The following TLN1 variants were observed in gnomAD, a reference collection of about 807,000 sequenced individuals.
TLN1 encodes the protein talin 1.
TLN1 carries 56 observed loss-of-function variants against 292.3 expected under a neutral mutation model. The observed-to-expected ratio is 0.19, with a 90% CI of 0.15 to 0.24. TLN1 has a LOEUF of 0.24. Among genes scored for constraint, TLN1 ranks in the 10% least tolerant of loss-of-function variants. The pLI is 1.00. For missense variants in TLN1, 2,433 were observed against 3,248.2 expected (o/e 0.75, Z 6.10); for synonymous variants, 1,119 against 1,253.7 (o/e 0.89, Z 2.27).
In TLN1 at chr9:35,699,850, G is replaced by C; in HGVS notation, c.6768+124C>G. The stretch of plus-strand genomic sequence containing the variant: ...GAGACTTGGAAAGGAGAACAGATTT[G>C]GGAAGTAGAGGGTGGGGTAGGGAGG... On this transcript the variant is annotated intron_variant, in intron 50 of 56. Coordinates refer to ENST00000314888, the MANE Select transcript of TLN1 (RefSeq NM_006289.4). The surrounding 1 kb of genome is among the most constrained non-coding windows in gnomAD (Gnocchi z 4.0). 3 of 1,127,104 alleles carry C rather than the reference G, an allele frequency of 2.7e-6. No homozygotes were observed. The highest frequency in any genetic ancestry group is 3.7e-6 in the Non-Finnish European group (3 of 812,232). 69.8% of individuals were successfully genotyped at this position (1,127,104 alleles called of 1,614,324 possible). A position where few individuals can be genotyped will look rare whatever the true frequency, so the allele number is the denominator to read the frequency against.
At position 35,719,156 on chromosome 9, in the gene TLN1, C is replaced by A. The variant is rs776650695; in HGVS notation, c.1814G>T (p.Gly605Val). ...AALLEDEGGS[G>V]RPLLQAAKGL... is the part of the protein sequence containing the mutation. ...CTTTGCTGCCTGCAACAGGGGCCGA[C>A]CACTGCCGCCTTCGTCCTCCAGCAA... Residue 605 changes from glycine (G) to valine (V), a missense_variant, in exon 16 of 57, where the codon GGT (glycine) becomes GTT (valine). Physicochemically the swap from Gly to Val is moderately radical, Grantham distance 109 (BLOSUM62 -3). Transcript: ENST00000314888. The surrounding 1 kb of genome is among the most constrained non-coding windows in gnomAD (Gnocchi z 4.6). 3.7e-6 allele frequency: 6 copies of A among 1,614,226 alleles called. No homozygotes were observed. The highest frequency in any genetic ancestry group is 5.1e-6 in the Non-Finnish European group (6 of 1,180,040).
intron 7 of TLN1, chr9:35,723,146 G>A: frequency 2.5e-6 from 1 of 397,336 alleles, no homozygotes; most frequent in Non-Finnish European, 4.7e-6. Flanking sequence ...TTGTTGCCCA[G>A]GCTGGAGTGC....
rs1297790190 is a variant in TLN1, at chr9:35,724,812, T to C, written c.358+18A>G. 1.2e-6 allele frequency: 2 copies of C among 1,614,052 alleles called. No individual in the cohort carries two copies. Among genetic ancestry groups the C allele is most frequent in the South Asian group, 1.1e-5 (1 of 91,074 alleles). ...AGGCTTTCTGGCCCAGGCTTTCAAC[T>C]GTACTAGGGCCCCTTACCAATGCGG... On this transcript the variant is annotated intron_variant, in intron 4 of 56. Coordinates refer to ENST00000314888, the MANE Select transcript of TLN1 (RefSeq NM_006289.4). The surrounding 1 kb of genome is among the most constrained non-coding windows in gnomAD (Gnocchi z 4.7).
intron 43 of TLN1, among the ~76,000 whole-genome samples, chr9:35,705,026 C>T (rs1825540608): frequency 2.6e-5 from 4 of 152,154 alleles, no homozygotes; most frequent in Admixed American, 6.5e-5. Flanking sequence ...AGCACGCAGG[C>T]ACTAAGTGGT....
chr9:35,718,575 G>A (rs1825826910), intron 17 of TLN1, among the ~76,000 whole-genome samples: 1 of 152,142 alleles, frequency 6.6e-6, no homozygotes, highest in South Asian at 2.1e-4. Flanking sequence ...AAGATGACAA[G>A]GGGCTAAAGA....
At chr9:35,722,759 A>T in intron 8 of TLN1, 102 bp downstream of exon 8, 1 of 1,237,098 alleles carries the variant, frequency 8.1e-7, no homozygotes, top group Non-Finnish European at 1.2e-6. Context: ...GGTGAAAGCC[A>T]AGTTAGGGGA....
chr9:35,724,558 C>T lies in TLN1; in HGVS notation c.511+14G>A, dbSNP rs775767046. The T allele has an allele frequency of 3.1e-6, 5 of 1,602,130 alleles. No individual in the cohort carries two copies. In the African/African-American group the frequency reaches 5.4e-5, roughly 17 times the overall value. ...TCCCATTTCAAAAGCCCTCTTTTTT[C>T]TAGTTCTGCTTACACTCATCATCTG... On this transcript the variant is annotated intron_variant, in intron 5 of 56. Coordinates refer to ENST00000314888, the MANE Select transcript of TLN1 (RefSeq NM_006289.4). This position sits in a 1 kb window ranked among gnomAD's most constrained non-coding sequence, Gnocchi z 4.7.
Position 35,720,235 on chromosome 9 carries a change from C to A in TLN1, c.1284-16G>T. On this transcript the variant is annotated splice_polypyrimidine_tract_variant and intron_variant, in intron 12 of 56. Coordinates refer to ENST00000314888, the MANE Select transcript of TLN1 (RefSeq NM_006289.4). ...GACTGTTGACCTGTAGAGGGGTGAA[C>A]TATTGAGCTCACAGAGGACTCCTCA... The A allele has an allele frequency of 1.3e-6, 2 of 1,563,246 alleles. No individual in the cohort carries two copies. Among genetic ancestry groups the A allele is most frequent in the Non-Finnish European group, 8.7e-7 (1 of 1,155,388 alleles).
intron 41 of TLN1, 52 bp from the exon 42 acceptor site, chr9:35,705,903 T>C (rs1400040321): frequency 2.2e-5 from 36 of 1,614,012 alleles, no homozygotes; most frequent in Non-Finnish European, 2.9e-5. Flanking sequence ...TCTGCCACTG[T>C]GCTTGGAGGC....
chr9:35,704,147 C>T lies in TLN1; in HGVS notation c.6075G>A (p.Val2025=), dbSNP rs749254459. ...CCAGGACCTTGGTGTCCTCCACCAG[C>T]ACCTTCGCAGTCTTCAGGATGCCCT... ...HREGILKTAK[V]LVEDTKVLVQ... Residue 2025 remains valine, a synonymous_variant, in exon 46 of 57, where the codon GTG becomes GTA. Transcript: ENST00000314888. This position sits in a 1 kb window ranked among gnomAD's most constrained non-coding sequence, Gnocchi z 6.9. 6.2e-7 allele frequency: 1 copy of T among 1,608,174 alleles called. No individual in the cohort carries two copies. Among genetic ancestry groups the T allele is most frequent in the Admixed American group, 1.7e-5 (1 of 59,584 alleles).
At chr9:35,709,373 CAG>C (rs1825620134) in intron 33 of TLN1, among the ~76,000 whole-genome samples, 1 of 152,298 alleles carries the variant, frequency 6.6e-6, no homozygotes, top group South Asian at 2.1e-4. Flanking sequence ...CCTATTCTGA[CAG>C]GGCACAGGGA....
chr9:35,725,416 T>G (rs973378446), intron 2 of TLN1, 95 bp from the exon 3 acceptor site: 4 of 1,537,874 alleles, frequency 2.6e-6, no homozygotes, highest in African/African-American at 1.4e-5. Flanking sequence ...TCCCATGACC[T>G]TGGGCCTAAA....
intron 26 of TLN1, 37 bp downstream of exon 26, chr9:35,713,159 C>T (rs1825707100): frequency 6.3e-7 from 1 of 1,582,246 alleles, no homozygotes; most frequent in Non-Finnish European, 8.7e-7. Context: ...CTACCTCCCT[C>T]ACAATATGCC....
In TLN1 at chr9:35,714,705, A is replaced by C. The variant is rs1478552937; in HGVS notation, c.2872-18T>G. The C allele has an allele frequency of 4.3e-6, 7 of 1,613,644 alleles. No homozygotes were observed. Among genetic ancestry groups the C allele is most frequent in the Non-Finnish European group, 5.9e-6 (7 of 1,179,656 alleles). On this transcript the variant is annotated intron_variant, in intron 22 of 56. Transcript: ENST00000314888. This position sits in a 1 kb window ranked among gnomAD's most constrained non-coding sequence, Gnocchi z 4.6. ...GCCACTGCCTGTAGGTGAAAATGTCATAAGAGACCCACAAGTCTCCCTCTT... is the reference window on the plus strand; with the variant it reads ...GCCACTGCCTGTAGGTGAAAATGTCCTAAGAGACCCACAAGTCTCCCTCTT...
intron 1 of TLN1, among the ~76,000 whole-genome samples, chr9:35,727,782 G>C (rs567660787): frequency 6.6e-6 from 1 of 152,204 alleles, no homozygotes; most frequent in Non-Finnish European, 1.5e-5. Flanking sequence ...ATTTCCTCTG[G>C]ACACTTAGAC....
Position 35,724,102 on chromosome 9 carries a change from G to A in TLN1, c.655-23C>T, listed in dbSNP as rs367896019. ...TGCCTGGAGAGCACAGGGCAAGGAGGCGAATGTTGTGTGTGGGTGCAAGGA... is the reference window on the plus strand; with the variant it reads ...TGCCTGGAGAGCACAGGGCAAGGAGACGAATGTTGTGTGTGGGTGCAAGGA... On this transcript the variant is annotated intron_variant, in intron 6 of 56. Transcript: ENST00000314888. The surrounding 1 kb of genome is among the most constrained non-coding windows in gnomAD (Gnocchi z 4.7). 6.2e-7 allele frequency: 1 copy of A among 1,612,678 alleles called. No individual in the cohort carries two copies. Among genetic ancestry groups the A allele is most frequent in the African/African-American group, 1.3e-5 (1 of 74,864 alleles).
At chr9:35,716,598 C>A in intron 19 of TLN1, 42 bp from the exon 20 acceptor site, 10 of 1,601,930 alleles carry the variant, frequency 6.2e-6, no homozygotes, top group Non-Finnish European at 8.5e-6. Flanking sequence ...GCCAGAGACA[C>A]TGAGGTGTCA....
At chr9:35,715,316 C>G in intron 20 of TLN1, 129 bp from the exon 21 acceptor site, 1 of 1,304,908 alleles carries the variant, frequency 7.7e-7, no homozygotes, top group South Asian at 1.5e-5. Flanking sequence ...ACTAGCCCCA[C>G]CAAAAGGCAA....
At chr9:35,710,442 T>G in intron 33 of TLN1, 119 bp downstream of exon 33, 1 of 1,416,168 alleles carries the variant, frequency 7.1e-7, no homozygotes, top group Non-Finnish European at 9.5e-7. Flanking sequence ...CAACCCAGAT[T>G]CCATAGAGTT....
Sources: gnomAD v4.1 joint callset for allele counts (sites outside exome capture counted in the v4.1 genomes callset) on GRCh38, gnomAD v4.1.1 for gene constraint, Gnocchi (gnomAD v3.1) non-coding constraint, MANE v1.5 for transcripts, NCBI Gene and HGNC (gene_info 2026-07-23, HGNC 2026-07-21) for gene names.